The following CHST8 variants were observed in gnomAD, a reference collection of about 807,000 sequenced individuals.
CHST8 encodes carbohydrate sulfotransferase 8.
A neutral mutation model predicts 15.0 loss-of-function variants in CHST8; 10 were observed. The observed-to-expected ratio is 0.67, with a 90% CI of 0.41 to 1.13. The LOEUF (loss-of-function observed/expected upper bound fraction) is 1.13. Ranked by LOEUF, CHST8 falls within the 50% of genes most tolerant of loss-of-function variation. CHST8 has a pLI of 0.00. For missense variants in CHST8, 634 were observed against 608.2 expected, an observed-to-expected ratio of 1.04 and a Z score of -0.45; for synonymous variants, 259 against 256.6, an observed-to-expected ratio of 1.01 and a Z score of -0.09.
chr19:33,639,893 G>C (rs1370434759), intron 1 of CHST8, among the ~76,000 whole-genome samples: 2 of 149,532 alleles, frequency 1.3e-5, no homozygotes, highest in African/African-American at 4.9e-5. Flanking sequence ...AGGCTGGAGT[G>C]CAGTGGCGCG....
intron 3 of CHST8, among the ~76,000 whole-genome samples, chr19:33,689,852 T>C (rs1973064020): frequency 1.3e-5 from 2 of 151,918 alleles, no homozygotes; most frequent in Non-Finnish European, 2.9e-5. Flanking sequence ...TACCTCCTGG[T>C]TTAGTGAGGC....
At chr19:33,649,320 C>T (rs1320442612) in intron 1 of CHST8, among the ~76,000 whole-genome samples, 1 of 152,156 alleles carries the variant, frequency 6.6e-6, no homozygotes, top group African/African-American at 2.4e-5. Context: ...CATCTTTTCA[C>T]ATGCTTATTT....
chr19:33,718,287 T>G (rs200065792), intron 3 of CHST8, among the ~76,000 whole-genome samples: 1 of 32,078 alleles, frequency 3.1e-5, no homozygotes, highest in African/African-American at 8.6e-5. Flanking sequence ...GGCCCAATCA[T>G]AGCTCACTGC....
intron 3 of CHST8, among the ~76,000 whole-genome samples, chr19:33,747,560 T>TAC (rs561293804): frequency 1.1e-4 from 17 of 151,110 alleles, no homozygotes; most frequent in South Asian, 6.3e-4. Flanking sequence ...CACACACACA[T>TAC]ACACACACAC....
intron 1 of CHST8, among the ~76,000 whole-genome samples, chr19:33,625,840 C>T (rs1048290955): frequency 2.0e-5 from 3 of 152,122 alleles, no homozygotes; most frequent in Non-Finnish European, 2.9e-5. Flanking sequence ...CCAGCCTAGG[C>T]GACAAAGCGA....
intron 3 of CHST8, among the ~76,000 whole-genome samples, chr19:33,758,800 T>G (rs932610014): frequency 2.0e-5 from 3 of 152,200 alleles, no homozygotes; most frequent in African/African-American, 7.2e-5. Context: ...GTCAGCACAT[T>G]CTTGCACTGC....
At chr19:33,762,040 G>A (rs1974740660) in intron 3 of CHST8, among the ~76,000 whole-genome samples, 1 of 152,206 alleles carries the variant, frequency 6.6e-6, no homozygotes, top group Non-Finnish European at 1.5e-5. Context: ...GTGTGCTGTG[G>A]TGCATTTCCT....
intron 3 of CHST8, among the ~76,000 whole-genome samples, chr19:33,710,919 A>G (rs114099456): frequency 0.016 from 2,396 of 150,394 alleles, 58 homozygotes; most frequent in African/African-American, 0.056. Flanking sequence ...TGTCACCCAG[A>G]CTGGAGTGCA....
intron 1 of CHST8, among the ~76,000 whole-genome samples, chr19:33,626,773 T>TG (rs1320829485): frequency 7.2e-6 from 1 of 138,600 alleles, no homozygotes; most frequent in Non-Finnish European, 1.6e-5. Flanking sequence ...AATAAGCCGC[T>TG]TTTTTTTTCC....
intron 2 of CHST8, among the ~76,000 whole-genome samples, chr19:33,673,649 T>C (rs917982650): frequency 4.6e-5 from 7 of 152,132 alleles, no homozygotes; most frequent in African/African-American, 1.7e-4. Context: ...GAAGAATGCA[T>C]GGGTCTGCTG....
At chr19:33,763,515 G>A (rs1269451262) in intron 3 of CHST8, among the ~76,000 whole-genome samples, 6 of 152,190 alleles carry the variant, frequency 3.9e-5, no homozygotes, top group East Asian at 1.9e-4. Context: ...GGAACCCCAC[G>A]TACCTGTCCC....
intron 3 of CHST8, among the ~76,000 whole-genome samples, chr19:33,726,227 A>G (rs1486654216): frequency 6.6e-6 from 1 of 152,168 alleles, no homozygotes; most frequent in Non-Finnish European, 1.5e-5. Flanking sequence ...ACCAGGTCCT[A>G]AAGGCCTTGC....
intron 1 of CHST8, among the ~76,000 whole-genome samples, chr19:33,647,230 C>T (rs1331404828): frequency 6.6e-6 from 1 of 152,106 alleles, no homozygotes; most frequent in Non-Finnish European, 1.5e-5. Context: ...GCGAAGACTC[C>T]AGGGAGATGA....
At chr19:33,659,534 T>A (rs563891880) in intron 1 of CHST8, among the ~76,000 whole-genome samples, 17 of 152,206 alleles carry the variant, frequency 1.1e-4, no homozygotes, top group Non-Finnish European at 2.1e-4. Context: ...GCACAATTTG[T>A]TCATTTAAAA....
At chr19:33,667,994 G>T (rs1472782714) in intron 2 of CHST8, among the ~76,000 whole-genome samples, 151 bp downstream of exon 2, 1 of 152,136 alleles carries the variant, frequency 6.6e-6, no homozygotes, top group Non-Finnish European at 1.5e-5. Flanking sequence ...AAAAATATCG[G>T]CTGTTTTTAG....
chr19:33,723,588 C>A (rs556210661), intron 3 of CHST8, among the ~76,000 whole-genome samples: 4 of 152,300 alleles, frequency 2.6e-5, no homozygotes, highest in African/African-American at 9.6e-5. Flanking sequence ...ACCTACCATC[C>A]CCCTTCCTGC....
intron 3 of CHST8, among the ~76,000 whole-genome samples, chr19:33,736,936 G>A (rs1974097268): frequency 6.6e-6 from 1 of 152,130 alleles, no homozygotes; most frequent in Non-Finnish European, 1.5e-5. Flanking sequence ...AAAACCAAAG[G>A]TGGTGATGGA....
At chr19:33,722,718 CG>C (rs1568342963) in intron 3 of CHST8, among the ~76,000 whole-genome samples, 1 of 150,306 alleles carries the variant, frequency 6.7e-6, no homozygotes, top group African/African-American at 2.5e-5. Flanking sequence ...TTTCCCACCC[CG>C]AGCGTAACTC....
intron 3 of CHST8, among the ~76,000 whole-genome samples, chr19:33,770,309 C>T (rs182104300): frequency 6.6e-6 from 1 of 152,308 alleles, no homozygotes; most frequent in Admixed American, 6.5e-5. Flanking sequence ...GGCATGGTGC[C>T]CCGGCGCGCC....
Sources: allele counts gnomAD v4.1 joint callset (sites outside exome capture counted in the v4.1 genomes callset), GRCh38; gene constraint gnomAD v4.1.1; transcripts MANE v1.5; gene names NCBI Gene and HGNC (gene_info 2026-07-23, HGNC 2026-07-21).